Variants in AMZ1 observed in about 807,000 individuals in gnomAD.
AMZ1 encodes the protein archaemetzincin-1.
In AMZ1, 39 loss-of-function variants were observed where a neutral mutation model predicts 29.9. The observed-to-expected ratio is 1.30, with a 90% CI of 1.01 to 1.70. AMZ1 has a LOEUF of 1.70. AMZ1 is among the 40% of genes most tolerant of loss of function. The pLI, the probability that AMZ1 is intolerant of heterozygous loss-of-function variation, is 0.00. For synonymous variants in AMZ1, 458 were observed against 304.0 expected (o/e 1.51, Z -5.27); for missense variants, 1,041 against 680.6 (o/e 1.53, Z -5.89).
downstream of AMZ1, among the ~76,000 whole-genome samples, chr7:2,720,880 C>T (rs984767619): frequency 4.0e-5 from 6 of 151,592 alleles, no homozygotes; most frequent in Non-Finnish European, 5.9e-5. Flanking sequence ...GTTTCAGCCA[C>T]GTTGCCCAGG....
chr7:2,713,204 T>G lies in AMZ1; in HGVS notation c.*326T>G, dbSNP rs1318996761. On this transcript the variant is annotated 3_prime_UTR_variant, in exon 7 of 7. Coordinates refer to ENST00000683327, the MANE Select transcript of AMZ1 (RefSeq NM_001384743.1). ...CTGCAGTGGGATGTGATCATACCAC[T>G]GTACTGCAGTCTGGGCCACACAGAA... The G allele has an allele frequency of 4.7e-6, 1 of 212,624 alleles. No individual in the cohort carries two copies. Among genetic ancestry groups the G allele is most frequent in the Non-Finnish European group, 9.3e-6 (1 of 107,826 alleles). The allele number at this position is 212,624 out of a possible 1,614,324, so 13.2% of individuals were successfully genotyped here. A position where few individuals can be genotyped will look rare whatever the true frequency, so the allele number is the denominator to read the frequency against.
At chr7:2,735,824 G>A (rs961174198) in intron 4 of AMZ1, among the ~76,000 whole-genome samples, 36 of 152,164 alleles carry the variant, frequency 2.4e-4, no homozygotes, top group Admixed American at 1.9e-3. Flanking sequence ...CAGGGGGTCC[G>A]TGGGAAAGCT....
Position 2,700,360 on chromosome 7 carries a change from G to A in AMZ1, c.-92G>A. On this transcript the variant is annotated 5_prime_UTR_variant, in exon 2 of 7. Coordinates refer to ENST00000683327, the MANE Select transcript of AMZ1 (RefSeq NM_001384743.1). ...CGGTAGCCACTCGGATCAGCCCGAG[G>A]GAAGATTCTGGACGAGACCGTGGCC... 7 of 1,449,566 alleles carry A rather than the reference G, an allele frequency of 4.8e-6. No individual in the cohort carries two copies. The highest frequency in any genetic ancestry group is 6.5e-6 in the Non-Finnish European group (7 of 1,080,998). The allele number at this position is 1,449,566 out of a possible 1,614,324, so 89.8% of individuals were successfully genotyped here. A position where few individuals can be genotyped will look rare whatever the true frequency, so the allele number is the denominator to read the frequency against.
chr7:2,734,489 G>A (rs575623786), intron 4 of AMZ1, among the ~76,000 whole-genome samples: 20 of 152,314 alleles, frequency 1.3e-4, no homozygotes, highest in Middle Eastern at 3.4e-3. Flanking sequence ...CACATGTGGC[G>A]AGCTGACGCA....
At chr7:2,732,662 G>A (rs982880962) in intron 4 of AMZ1, among the ~76,000 whole-genome samples, 7 of 152,160 alleles carry the variant, frequency 4.6e-5, no homozygotes, top group Non-Finnish European at 5.9e-5. Context: ...ATCATGCCTC[G>A]ATCTAGAGGT....
In AMZ1 at chr7:2,713,047, G is replaced by A. The variant is rs1190374907; in HGVS notation, c.*169G>A. On this transcript the variant is annotated 3_prime_UTR_variant, in exon 7 of 7. Transcript: ENST00000683327. ...GAGGCCAGGAGTTTGAGACCAGACT[G>A]GGCAACATGGTGAGACTCTGCCTCT... is the stretch of plus-strand genomic sequence containing the variant. The A allele has an allele frequency of 1.1e-5, 7 of 639,158 alleles. No individual in the cohort carries two copies. Among genetic ancestry groups the A allele is most frequent in the African/African-American group, 3.8e-5 (2 of 52,320 alleles). The allele number at this position is 639,158 out of a possible 1,614,324, so 39.6% of individuals were successfully genotyped here.
chr7:2,755,839 G>A (rs577131242), intron 4 of AMZ1, among the ~76,000 whole-genome samples: 1 of 152,086 alleles, frequency 6.6e-6, no homozygotes, highest in African/African-American at 2.4e-5. Context: ...CTAAATAATT[G>A]GAGAGTTATG....
chr7:2,743,016 G>A (rs142898015), intron 4 of AMZ1, among the ~76,000 whole-genome samples: 1 of 152,200 alleles, frequency 6.6e-6, no homozygotes, highest in African/African-American at 2.4e-5. Flanking sequence ...CATTCAGACA[G>A]AAAGCCTACC....
At chr7:2,756,575 A>G (rs1791307357) in intron 4 of AMZ1, among the ~76,000 whole-genome samples, 2 of 152,020 alleles carry the variant, frequency 1.3e-5, no homozygotes, top group Non-Finnish European at 2.9e-5. Flanking sequence ...CAATCGTGCC[A>G]CTGCACTACA....
chr7:2,737,598 A>G (rs1361160411), intron 4 of AMZ1, among the ~76,000 whole-genome samples: 1 of 152,154 alleles, frequency 6.6e-6, no homozygotes, highest in African/African-American at 2.4e-5. Context: ...CCTGTCTTAC[A>G]GTTTCTGCAC....
chr7:2,698,564 G>C (rs917445002), intron 1 of AMZ1, among the ~76,000 whole-genome samples: 11 of 151,694 alleles, frequency 7.3e-5, no homozygotes, highest in African/African-American at 2.7e-4. Context: ...TTGGGGCTCG[G>C]GGGGTCTGTG....
At chr7:2,710,018 G>T (rs1788665400) in intron 6 of AMZ1, among the ~76,000 whole-genome samples, 1 of 152,244 alleles carries the variant, frequency 6.6e-6, no homozygotes, top group African/African-American at 2.4e-5. Context: ...TCCTGCCAGG[G>T]CCCGCGTGTG....
chr7:2,693,757 G>A (rs1036844512), intron 1 of AMZ1, among the ~76,000 whole-genome samples: 5 of 152,098 alleles, frequency 3.3e-5, no homozygotes, highest in South Asian at 4.1e-4. Context: ...GGGTTTCACC[G>A]TGTTAGCCAG....
chr7:2,737,273 TGTTTTTTTTTTTTTTG>T (rs1240262619), intron 4 of AMZ1, among the ~76,000 whole-genome samples: 17,149 of 84,134 alleles, frequency 0.2, 1,665 homozygotes, highest in Non-Finnish European at 0.25. Context: ...AGTTTTGTTT[TGTTTTTTTTTTTTTTG>T]TTTTTTTTTT....
chr7:2,725,169 G>A lies in AMZ1; in HGVS notation n.550+15353G>A, dbSNP rs1401419460. On this transcript the variant is annotated intron_variant and non_coding_transcript_variant, in intron 4 of 4. Coordinates refer to the AMZ1 transcript ENST00000489665. ...CACTGAGAAAAGCTTATCTGCCAGG[G>A]ACTAGTTCAGTGGGATGTGGATTAG... Among the ~76,000 whole-genome samples, 3 of 152,212 alleles carry A rather than the reference G, an allele frequency of 2.0e-5. No homozygotes were observed. The East Asian group carries it at 5.8e-4, about 29-fold the overall frequency.
In AMZ1 at chr7:2,731,158, G is replaced by C. The variant is rs1768368210; in HGVS notation, n.550+21342G>C. The C allele has an allele frequency of 1.3e-6, 2 of 1,559,802 alleles. No individual in the cohort carries two copies. The highest frequency in any genetic ancestry group is 3.4e-5 in the Admixed American group (2 of 58,116). On this transcript the variant is annotated intron_variant and non_coding_transcript_variant, in intron 4 of 4. Transcript: ENST00000489665. The surrounding 1 kb of genome is among the most constrained non-coding windows in gnomAD (Gnocchi z 6.0). ...ACAGCCGTGGGGGCTGCTCAACGACGACAAACCCCGGGGCTTCCTCGCTCA... is the reference window on the plus strand; with the variant it reads ...ACAGCCGTGGGGGCTGCTCAACGACCACAAACCCCGGGGCTTCCTCGCTCA...
At chr7:2,685,164 G>A (rs946479248), upstream of AMZ1, among the ~76,000 whole-genome samples, 6 of 151,538 alleles carry the variant, frequency 4.0e-5, no homozygotes, top group Admixed American at 2.0e-4. Flanking sequence ...CGCCGCGCCC[G>A]GCCTCGATGC....
chr7:2,738,258 T>C (rs1271008578), intron 4 of AMZ1, among the ~76,000 whole-genome samples: 2 of 146,884 alleles, frequency 1.4e-5, no homozygotes. Flanking sequence ...GTACTAAAAA[T>C]ACAAAAACAG....
At chr7:2,742,285 G>C (rs574883363) in intron 4 of AMZ1, among the ~76,000 whole-genome samples, 1 of 152,062 alleles carries the variant, frequency 6.6e-6, no homozygotes, top group Non-Finnish European at 1.5e-5. Context: ...CAAAGTGCTG[G>C]GATTACAGGT....
Sources: gnomAD v4.1 joint callset for allele counts (sites outside exome capture counted in the v4.1 genomes callset) on GRCh38, gnomAD v4.1.1 for gene constraint, Gnocchi (gnomAD v3.1) non-coding constraint, MANE v1.5 for transcripts, NCBI Gene and HGNC (gene_info 2026-07-23, HGNC 2026-07-21) for gene names.